CNTN4: variants seen among roughly 807,000 people sequenced by gnomAD.
CNTN4 encodes contactin 4, also known as contactin-4.
Under a neutral mutation model 122.5 loss-of-function variants are expected in CNTN4, and 77 were observed. The observed-to-expected ratio is 0.63, with a 90% CI of 0.52 to 0.76. The LOEUF (loss-of-function observed/expected upper bound fraction) is 0.76. CNTN4 is among the 30% of genes least tolerant of loss of function. The pLI is 0.00. For missense variants in CNTN4, 1,256 were observed against 1,259.1 expected (o/e 1.00, Z 0.04); for synonymous variants, 512 against 447.0 (o/e 1.15, Z -1.83).
At chr3:3,038,525 C>T (rs1283361695) in intron 18 of CNTN4, among the ~76,000 whole-genome samples, 1 of 152,174 alleles carries the variant, frequency 6.6e-6, no homozygotes, top group East Asian at 1.9e-4. Context: ...CTCCTCCACT[C>T]CAACCAGCTT....
intron 2 of CNTN4, among the ~76,000 whole-genome samples, chr3:2,260,126 G>A (rs1047637919): frequency 1.3e-5 from 2 of 152,054 alleles, no homozygotes; most frequent in Admixed American, 1.3e-4. Context: ...CCCAAGAATG[G>A]GGATAGCAAT....
At chr3:2,380,585 T>G (rs981612125) in intron 3 of CNTN4, among the ~76,000 whole-genome samples, 1 of 152,238 alleles carries the variant, frequency 6.6e-6, no homozygotes, top group East Asian at 1.9e-4. Context: ...ATTCCCACTT[T>G]ACACTGAGTA....
chr3:2,736,608 C>A (rs2089114770), intron 5 of CNTN4, among the ~76,000 whole-genome samples: 1 of 147,928 alleles, frequency 6.8e-6, no homozygotes, highest in East Asian at 2.1e-4. Context: ...GAATTACAGG[C>A]ATGCACCACC....
chr3:2,766,242 T>A (rs2090853756), intron 6 of CNTN4, among the ~76,000 whole-genome samples: 1 of 152,326 alleles, frequency 6.6e-6, no homozygotes, highest in Non-Finnish European at 1.5e-5. Context: ...ATCTATAATT[T>A]TATCTATAAG....
At chr3:2,636,097 A>G (rs190476431) in intron 4 of CNTN4, among the ~76,000 whole-genome samples, 25 of 152,336 alleles carry the variant, frequency 1.6e-4, no homozygotes, top group African/African-American at 5.5e-4. Context: ...GCAGAACCTG[A>G]TTAAAGCCTT....
At chr3:2,365,403 A>G (rs2045338346) in intron 3 of CNTN4, among the ~76,000 whole-genome samples, 1 of 152,176 alleles carries the variant, frequency 6.6e-6, no homozygotes, top group Non-Finnish European at 1.5e-5. Flanking sequence ...TAATTTCTGA[A>G]TGAACATGTT....
chr3:2,103,595 G>A (rs1283506981), intron 2 of CNTN4, among the ~76,000 whole-genome samples: 2 of 152,148 alleles, frequency 1.3e-5, no homozygotes, highest in Non-Finnish European at 2.9e-5. Context: ...TTCCCTGGCA[G>A]GTTTTTCAGC....
intron 13 of CNTN4, among the ~76,000 whole-genome samples, chr3:2,973,663 G>A (rs1307981225): frequency 2.6e-5 from 4 of 151,972 alleles, no homozygotes; most frequent in African/African-American, 9.7e-5. Flanking sequence ...CATATTTAAT[G>A]TGTGCCTGTT....
At chr3:2,185,896 T>C (rs574223879) in intron 2 of CNTN4, among the ~76,000 whole-genome samples, 5 of 152,182 alleles carry the variant, frequency 3.3e-5, no homozygotes, top group East Asian at 3.9e-4. Context: ...CTTGGAACCA[T>C]TGGTCTTTTC....
intron 4 of CNTN4, among the ~76,000 whole-genome samples, chr3:2,588,361 T>A (rs1400919130): frequency 6.6e-6 from 1 of 151,802 alleles, no homozygotes; most frequent in Non-Finnish European, 1.5e-5. Flanking sequence ...AGTTAGGTTT[T>A]GTTTGTTTGT....
intron 7 of CNTN4, among the ~76,000 whole-genome samples, chr3:2,826,517 G>A (rs1159572501): frequency 2.0e-5 from 3 of 152,202 alleles, no homozygotes; most frequent in Admixed American, 6.5e-5. Flanking sequence ...AGATAAAAGC[G>A]TGAAAGTAGG....
chr3:2,544,282 C>T (rs1416991058), intron 3 of CNTN4, among the ~76,000 whole-genome samples: 1 of 152,024 alleles, frequency 6.6e-6, no homozygotes, highest in African/African-American at 2.4e-5. Context: ...CCTTAGTCCT[C>T]CTTGGAGAAC....
rs376872065 is a variant in CNTN4, at chr3:2,347,777, C to T, written c.-89+8544C>T. 1.3e-4 allele frequency among the ~76,000 whole-genome samples: 20 copies of T among 148,878 alleles called. No individual in the cohort carries two copies. The East Asian group carries it at 3.5e-3, about 26-fold the overall frequency. ...TGTAGTATTTATGAAAAGCACTGCA[C>T]GGCTACTCCAAATGTTCATTTTTTT... On this transcript the variant is annotated intron_variant, in intron 3 of 24. Coordinates refer to ENST00000418658, the MANE Select transcript of CNTN4 (RefSeq NM_175607.3).
chr3:2,354,328 C>T (rs529018364), intron 3 of CNTN4, among the ~76,000 whole-genome samples: 1 of 152,284 alleles, frequency 6.6e-6, no homozygotes, highest in African/African-American at 2.4e-5. Context: ...GTCAGGAGTT[C>T]AATACCAGGC....
At chr3:2,480,729 G>A (rs969213722) in intron 3 of CNTN4, among the ~76,000 whole-genome samples, 33 of 152,126 alleles carry the variant, frequency 2.2e-4, no homozygotes, top group African/African-American at 7.2e-4. Context: ...ATCCCAGAAA[G>A]GTATTTTGTG....
At position 2,504,083 on chromosome 3, in the gene CNTN4, G is replaced by C. The variant is rs1328091035; in HGVS notation, c.-88-67333G>C. Among the ~76,000 whole-genome samples, 3 of 152,126 alleles carry C rather than the reference G, an allele frequency of 2.0e-5. No homozygotes were observed. In the South Asian group the frequency reaches 6.2e-4, roughly 32 times the overall value. On this transcript the variant is annotated intron_variant, in intron 3 of 24. Transcript: ENST00000418658. ...TAGAACAGTTTAGAGATCAATAAAT[G>C]GTACAAGTAAAGTGTCTGGAAGGAG...
chr3:2,661,267 C>A (rs2083877364), intron 4 of CNTN4, among the ~76,000 whole-genome samples: 2 of 152,286 alleles, frequency 1.3e-5, no homozygotes, highest in South Asian at 2.1e-4. Flanking sequence ...CAAAGCCAGG[C>A]AGCCCCAAGG....
chr3:2,401,828 C>T (rs765365985), intron 3 of CNTN4, among the ~76,000 whole-genome samples: 1 of 152,290 alleles, frequency 6.6e-6, no homozygotes, highest in Admixed American at 6.5e-5. Flanking sequence ...CACCGCAGTG[C>T]ATTGCCAGGT....
At chr3:2,123,721 T>A (rs2033943088) in intron 2 of CNTN4, among the ~76,000 whole-genome samples, 1 of 151,088 alleles carries the variant, frequency 6.6e-6, no homozygotes, top group African/African-American at 2.4e-5. Flanking sequence ...GAAATTTACT[T>A]TGTGTTTTGG....
Sources: gnomAD v4.1 joint callset for allele counts (sites outside exome capture counted in the v4.1 genomes callset) on GRCh38, gnomAD v4.1.1 for gene constraint, MANE v1.5 for transcripts, NCBI Gene and HGNC (gene_info 2026-07-23, HGNC 2026-07-21) for gene names.